The following SEMA5A variants were observed in gnomAD, a reference collection of about 807,000 sequenced individuals.
SEMA5A encodes the protein semaphorin 5A.
SEMA5A carries 55 observed loss-of-function variants against 135.5 expected under a neutral mutation model. That is an observed-to-expected ratio of 0.41 (90% confidence interval 0.33 to 0.51). The LOEUF (loss-of-function observed/expected upper bound fraction) is 0.51, where lower values mean the gene tolerates loss of function less well. Ranked by LOEUF, SEMA5A falls within the 20% of genes least tolerant of loss-of-function variation. SEMA5A has a pLI of 0.37. For synonymous variants in SEMA5A, 580 were observed against 546.5 expected (o/e 1.06, Z -0.85); for missense variants, 1,290 against 1,419.9 (o/e 0.91, Z 1.47).
chr5:9,371,610 C>T (rs1307439192), intron 3 of SEMA5A, among the ~76,000 whole-genome samples: 1 of 152,134 alleles, frequency 6.6e-6, no homozygotes, highest in Non-Finnish European at 1.5e-5. Context: ...AAAAAGCAGG[C>T]AATGTGGTTA....
chr5:9,329,817 G>T (rs1450675105), intron 4 of SEMA5A, among the ~76,000 whole-genome samples: 1 of 152,006 alleles, frequency 6.6e-6, no homozygotes, highest in Non-Finnish European at 1.5e-5. Context: ...CAAAATCCAT[G>T]GATGCTCCAG....
intron 1 of SEMA5A, among the ~76,000 whole-genome samples, chr5:9,510,132 G>A (rs1053760088): frequency 2.0e-5 from 3 of 152,172 alleles, no homozygotes; most frequent in Non-Finnish European, 4.4e-5. Context: ...AAGATTGAAA[G>A]CCATGCCATT....
chr5:9,050,294 T>C (rs554769245), intron 21 of SEMA5A, 116 bp downstream of exon 21: 2 of 884,148 alleles, frequency 2.3e-6, no homozygotes, highest in East Asian at 5.5e-5. Flanking sequence ...TCCATGACTT[T>C]CTCCGGTTTT....
At chr5:9,213,684 G>C (rs1746466362) in intron 8 of SEMA5A, among the ~76,000 whole-genome samples, 1 of 152,188 alleles carries the variant, frequency 6.6e-6, no homozygotes, top group Non-Finnish European at 1.5e-5. Flanking sequence ...ATAGACTGTG[G>C]AGATTTTCAT....
At chr5:9,446,474 C>A (rs1394852123) in intron 1 of SEMA5A, among the ~76,000 whole-genome samples, 1 of 152,092 alleles carries the variant, frequency 6.6e-6, no homozygotes, top group East Asian at 1.9e-4. Flanking sequence ...CCACCATGTG[C>A]CAGATTTTCA....
intron 2 of SEMA5A, among the ~76,000 whole-genome samples, chr5:9,426,060 A>G (rs184471112): frequency 1.1e-3 from 173 of 152,320 alleles, no homozygotes; most frequent in African/African-American, 4.0e-3. Flanking sequence ...CAGATAATGT[A>G]AGCATTATGA....
Position 9,492,398 on chromosome 5 carries a change from G to A in SEMA5A, c.-175+53186C>T, listed in dbSNP as rs890992903. Among the ~76,000 whole-genome samples, 7 of 152,218 alleles carry A rather than the reference G, an allele frequency of 4.6e-5. No homozygotes were observed. In the South Asian group the frequency reaches 1.5e-3, roughly 32 times the overall value. On this transcript the variant is annotated intron_variant, in intron 1 of 22. Coordinates refer to ENST00000382496, the MANE Select transcript of SEMA5A (RefSeq NM_003966.3). ...GCAGGGATTCCATGTCACATCAGAG[G>A]GAGTTTTTCTAGTCATTTCACAATT...
chr5:9,099,077 A>C (rs1239280416), intron 16 of SEMA5A, among the ~76,000 whole-genome samples: 3 of 152,164 alleles, frequency 2.0e-5, no homozygotes, highest in Non-Finnish European at 4.4e-5. Context: ...ATTTCCAGAG[A>C]TTGTAGATGA....
chr5:9,369,679 T>C (rs549284084), intron 3 of SEMA5A, among the ~76,000 whole-genome samples: 39 of 152,296 alleles, frequency 2.6e-4, no homozygotes, highest in African/African-American at 9.4e-4. Context: ...ATTTCTGATC[T>C]CTGCTTTCTG....
chr5:9,514,837 A>G (rs1736417831), intron 1 of SEMA5A, among the ~76,000 whole-genome samples: 1 of 152,184 alleles, frequency 6.6e-6, no homozygotes, highest in Non-Finnish European at 1.5e-5. Context: ...CTTCAAAAAG[A>G]TCATTCTTAA....
chr5:9,152,753 T>C (rs1210985040), intron 12 of SEMA5A, among the ~76,000 whole-genome samples: 2 of 152,194 alleles, frequency 1.3e-5, no homozygotes, highest in Non-Finnish European at 2.9e-5. Context: ...AATTCTGAAA[T>C]ACTTTTGCGA....
intron 11 of SEMA5A, among the ~76,000 whole-genome samples, chr5:9,172,489 C>A (rs1279203896): frequency 2.0e-5 from 3 of 152,162 alleles, no homozygotes; most frequent in Admixed American, 6.5e-5. Context: ...TCTACTCTGA[C>A]AATTAATCTT....
chr5:9,089,767 G>T (rs1194301464), intron 16 of SEMA5A, among the ~76,000 whole-genome samples: 1 of 152,000 alleles, frequency 6.6e-6, no homozygotes, highest in Non-Finnish European at 1.5e-5. Flanking sequence ...TAATGTTTGT[G>T]GTAAGATTTT....
intron 4 of SEMA5A, among the ~76,000 whole-genome samples, chr5:9,322,747 T>A (rs528484530): frequency 6.6e-6 from 1 of 152,278 alleles, no homozygotes; most frequent in South Asian, 2.1e-4. Context: ...GCCCCCCGTG[T>A]CTTGGTGTCC....
chr5:9,134,841 T>C (rs1741642891), intron 13 of SEMA5A, among the ~76,000 whole-genome samples: 1 of 152,208 alleles, frequency 6.6e-6, no homozygotes, highest in Non-Finnish European at 1.5e-5. Context: ...AAACATTATG[T>C]TTTATCAAGC....
chr5:9,096,696 T>G (rs1485159415), intron 16 of SEMA5A, among the ~76,000 whole-genome samples: 1 of 151,640 alleles, frequency 6.6e-6, no homozygotes, highest in Non-Finnish European at 1.5e-5. Context: ...AAAGTATACA[T>G]CAGATAAGGG....
At chr5:9,067,292 A>G (rs900061046) in intron 16 of SEMA5A, among the ~76,000 whole-genome samples, 1 of 152,126 alleles carries the variant, frequency 6.6e-6, no homozygotes, top group Non-Finnish European at 1.5e-5. Context: ...CTGAACATGC[A>G]GTGGCTTTGG....
chr5:9,296,226 T>C (rs1423696802), intron 5 of SEMA5A, among the ~76,000 whole-genome samples: 2 of 152,204 alleles, frequency 1.3e-5, no homozygotes, highest in Non-Finnish European at 2.9e-5. Flanking sequence ...GCTATTAGTG[T>C]ATAAAATGTA....
intron 16 of SEMA5A, among the ~76,000 whole-genome samples, chr5:9,105,071 A>G (rs772000114): frequency 1.4e-4 from 22 of 152,210 alleles, no homozygotes; most frequent in Non-Finnish European, 2.6e-4. Flanking sequence ...ATGCATCTCA[A>G]GTTCACAGAG....
Sources: allele counts gnomAD v4.1 joint callset (sites outside exome capture counted in the v4.1 genomes callset), GRCh38; gene constraint gnomAD v4.1.1; transcripts MANE v1.5; gene names NCBI Gene and HGNC (gene_info 2026-07-23, HGNC 2026-07-21).